Variants in PLEKHA7 observed in about 807,000 individuals in gnomAD.
PLEKHA7 encodes the protein pleckstrin homology domain-containing family A member 7.
PLEKHA7 carries 104 observed loss-of-function variants against 170.0 expected under a neutral mutation model. The observed-to-expected ratio is 0.61, with a 90% CI of 0.52 to 0.72. The LOEUF (loss-of-function observed/expected upper bound fraction) is 0.72. Ranked by LOEUF, PLEKHA7 falls within the 30% of genes least tolerant of loss-of-function variation. PLEKHA7 has a pLI of 0.00. For synonymous variants in PLEKHA7, 648 were observed against 660.8 expected (o/e 0.98, Z 0.30); for missense variants, 1,615 against 1,671.7 (o/e 0.97, Z 0.59).
chr11:16,802,185 T>C lies in PLEKHA7; in HGVS notation c.2158-368A>G, dbSNP rs535670478. The stretch of plus-strand genomic sequence containing the variant: ...AAGAGTATATTGTCAACCTCCAGCA[T>C]CACGAATTTAAAATGCAAAAGGAAA... On this transcript the variant is annotated intron_variant, in intron 15 of 26. Transcript: ENST00000531066. Among the ~76,000 whole-genome samples the C allele has an allele frequency of 4.1e-4, 63 of 152,258 alleles. 1 individual carries two copies. The South Asian group carries it at 0.011, about 27-fold the overall frequency.
intron 3 of PLEKHA7, among the ~76,000 whole-genome samples, chr11:16,897,771 G>C (rs985567743): frequency 2.0e-5 from 3 of 152,148 alleles, no homozygotes; most frequent in Non-Finnish European, 4.4e-5. Context: ...ACTCTAACTA[G>C]CTGCAGCGGA....
chr11:16,828,914 AC>A (rs1850879659), intron 9 of PLEKHA7, among the ~76,000 whole-genome samples: 1 of 152,226 alleles, frequency 6.6e-6, no homozygotes, highest in Non-Finnish European at 1.5e-5. Flanking sequence ...AGATGGAGAA[AC>A]ATAGAATCCT....
intron 3 of PLEKHA7, among the ~76,000 whole-genome samples, chr11:16,878,690 G>T (rs989935098): frequency 3.9e-5 from 6 of 152,188 alleles, no homozygotes; most frequent in Non-Finnish European, 7.3e-5. Context: ...CCGCCTCCCA[G>T]GTTCAAGGCG....
intron 3 of PLEKHA7, among the ~76,000 whole-genome samples, chr11:16,913,284 TC>T (rs1858387974): frequency 6.6e-6 from 1 of 152,110 alleles, no homozygotes; most frequent in Non-Finnish European, 1.5e-5. Context: ...ACCCACAGCA[TC>T]CAGAGGAGAG....
intron 3 of PLEKHA7, among the ~76,000 whole-genome samples, chr11:16,956,423 C>T (rs910671430): frequency 8.5e-5 from 13 of 152,198 alleles, no homozygotes; most frequent in African/African-American, 3.1e-4. Context: ...AGAGTATGAA[C>T]CACTTGGTTC....
At chr11:16,805,256 G>A (rs1199979848) in intron 13 of PLEKHA7, among the ~76,000 whole-genome samples, 44 of 152,122 alleles carry the variant, frequency 2.9e-4, no homozygotes, top group African/African-American at 2.4e-5. Flanking sequence ...AAATCTAATT[G>A]AGCAATGCCT....
At chr11:16,886,710 CAAAAA>C (rs35564863) in intron 3 of PLEKHA7, among the ~76,000 whole-genome samples, 1 of 77,918 alleles carries the variant, frequency 1.3e-5, no homozygotes, top group African/African-American at 4.9e-5. Context: ...GACTCTGTCT[CAAAAA>C]AAAAAAAAAA....
Position 16,950,654 on chromosome 11 carries a change from A to C in PLEKHA7, c.221+63335T>G, listed in dbSNP as rs879515985. On this transcript the variant is annotated intron_variant, in intron 3 of 26. Coordinates refer to ENST00000531066, the MANE Select transcript of PLEKHA7 (RefSeq NM_001329630.2). ...GTGGCCCCACAGATATCTTAGCCTC[A>C]CATGCCTACCCTTAGCCACATTCCC... Among the ~76,000 whole-genome samples, 12 of 152,180 alleles carry C rather than the reference A, an allele frequency of 7.9e-5. 1 individual carries two copies. Among genetic ancestry groups the C allele is most frequent in the Admixed American group, 7.9e-4 (12 of 15,282 alleles).
At chr11:16,818,705 G>A (rs527766347) in intron 10 of PLEKHA7, among the ~76,000 whole-genome samples, 3 of 152,206 alleles carry the variant, frequency 2.0e-5, no homozygotes, top group Admixed American at 6.5e-5. Context: ...AGTCCTGTGC[G>A]TAATTAGCCC....
intron 3 of PLEKHA7, among the ~76,000 whole-genome samples, chr11:16,960,648 G>C (rs1397648879): frequency 6.6e-6 from 1 of 152,160 alleles, no homozygotes; most frequent in Non-Finnish European, 1.5e-5. Flanking sequence ...GCAGGGCAAA[G>C]AGGAGAAAGG....
At chr11:16,820,602 T>C (rs547953304) in intron 10 of PLEKHA7, among the ~76,000 whole-genome samples, 1 of 152,308 alleles carries the variant, frequency 6.6e-6, no homozygotes, top group Admixed American at 6.5e-5. Context: ...AGTTCAGGAC[T>C]TGACTAACCA....
rs532290121 is a variant in PLEKHA7 at position 16,924,776 on chromosome 11, A to G, written c.222-53594T>C. Among the ~76,000 whole-genome samples the G allele has an allele frequency of 8.7e-4, 133 of 152,270 alleles. 1 individual carries two copies. The highest frequency in any genetic ancestry group is 3.1e-3 in the Admixed American group (47 of 15,296). On this transcript the variant is annotated intron_variant, in intron 3 of 26. Transcript: ENST00000531066. Reference sequence around the variant, plus strand: ...AAAGGGGGAGGCCTGCAACCCACCAATCTCATTTTCAGATTTCCTCTCTCC... The same window carrying G: ...AAAGGGGGAGGCCTGCAACCCACCAGTCTCATTTTCAGATTTCCTCTCTCC...
intron 4 of PLEKHA7, among the ~76,000 whole-genome samples, chr11:16,857,350 A>G (rs570263331): frequency 6.6e-6 from 1 of 152,348 alleles, no homozygotes; most frequent in East Asian, 1.9e-4. Flanking sequence ...CTGGCTCCTT[A>G]TCAGCTCAGA....
chr11:16,989,888 C>T (rs1432500896), intron 3 of PLEKHA7, among the ~76,000 whole-genome samples: 3 of 152,108 alleles, frequency 2.0e-5, no homozygotes, highest in Non-Finnish European at 4.4e-5. Flanking sequence ...GCATTTATTT[C>T]ATAAGGGCTT....
intron 3 of PLEKHA7, among the ~76,000 whole-genome samples, chr11:16,993,565 C>T (rs1864170229): frequency 6.6e-6 from 1 of 152,144 alleles, no homozygotes; most frequent in South Asian, 2.1e-4. Context: ...AGAAATGAGC[C>T]AGGGACACTG....
intron 4 of PLEKHA7, among the ~76,000 whole-genome samples, chr11:16,857,105 T>C (rs375105919): frequency 1.3e-5 from 2 of 152,352 alleles, no homozygotes; most frequent in African/African-American, 4.8e-5. Context: ...GGAAATATAC[T>C]GTTTTCTTCG....
intron 3 of PLEKHA7, among the ~76,000 whole-genome samples, chr11:16,986,234 G>A (rs1463145725): frequency 6.6e-6 from 1 of 152,140 alleles, no homozygotes; most frequent in African/African-American, 2.4e-5. Context: ...GGCCCCTGTA[G>A]GGAGAACAGG....
At chr11:16,871,209 A>AGAATTC in intron 3 of PLEKHA7, 27 bp from the exon 4 acceptor site, 1 of 1,552,822 alleles carries the variant, frequency 6.4e-7, no homozygotes, top group Non-Finnish European at 8.9e-7. Context: ...AAGATGGATG[A>AGAATTC]GAATTCGTGT....
chr11:16,806,081 TC>T (rs1231410916), intron 13 of PLEKHA7, among the ~76,000 whole-genome samples: 2 of 152,182 alleles, frequency 1.3e-5, no homozygotes, highest in Non-Finnish European at 2.9e-5. Flanking sequence ...TTCCTCTGTA[TC>T]CTCAAAGCCC....
Sources: gnomAD v4.1 joint callset for allele counts (sites outside exome capture counted in the v4.1 genomes callset) on GRCh38, gnomAD v4.1.1 for gene constraint, MANE v1.5 for transcripts, NCBI Gene and HGNC (gene_info 2026-07-23, HGNC 2026-07-21) for gene names.